FGF13: variants seen among roughly 807,000 people sequenced by gnomAD.
FGF13 encodes fibroblast growth factor homologous factor 2.
Under a neutral mutation model 19.5 loss-of-function variants are expected in FGF13, and 2 were observed. The ratio of observed to expected loss-of-function variants is 0.10; its 90% CI spans 0.04 to 0.32. FGF13 has a LOEUF of 0.32. Among genes scored for constraint, FGF13 ranks in the 10% least tolerant of loss-of-function variants. FGF13 has a pLI of 1.00. For synonymous variants in FGF13, 72 were observed against 76.9 expected, an observed-to-expected ratio of 0.94 and a Z score of 0.33; for missense variants, 113 against 192.7, an observed-to-expected ratio of 0.59 and a Z score of 2.45.
intron 1 of FGF13, among the ~76,000 whole-genome samples, chrX:139,079,980 T>C (rs922148293): frequency 2.1e-5 from 2 of 95,783 alleles, no homozygotes; most frequent in Admixed American, 1.2e-4. Flanking sequence ...AACATCACCG[T>C]CATCATCACC....
intron 3 of FGF13, among the ~76,000 whole-genome samples, chrX:138,780,619 C>G (rs1259292014): frequency 1.0e-5 from 1 of 96,099 alleles, no homozygotes; most frequent in African/African-American, 3.9e-5. Context: ...AGCTAACTAT[C>G]CTAAATATAT....
chrX:138,865,449 TC>T (rs1329142527), intron 1 of FGF13, among the ~76,000 whole-genome samples: 31 of 91,391 alleles, frequency 3.4e-4, no homozygotes, highest in Non-Finnish European at 5.9e-4. Flanking sequence ...TCTCTCTCTC[TC>T]CTCTCTCTCT....
intron 1 of FGF13, among the ~76,000 whole-genome samples, chrX:138,936,739 C>A: frequency 9.0e-6 from 1 of 111,276 alleles, no homozygotes; most frequent in East Asian, 2.8e-4. Flanking sequence ...GGAAGCACAC[C>A]TTCTGTGGGA....
intron 3 of FGF13, among the ~76,000 whole-genome samples, chrX:138,655,655 A>G (rs1157498910): frequency 9.0e-6 from 1 of 111,329 alleles, no homozygotes; most frequent in East Asian, 2.8e-4. Flanking sequence ...TGCCTTTTCG[A>G]AGCTGCTACT....
At chrX:138,991,561 A>T (rs2092015710) in intron 1 of FGF13, among the ~76,000 whole-genome samples, 1 of 111,889 alleles carries the variant, frequency 8.9e-6, no homozygotes, top group South Asian at 3.7e-4. Flanking sequence ...CTATAGCTCT[A>T]TTTTCTTGTA....
intron 1 of FGF13, among the ~76,000 whole-genome samples, chrX:139,015,166 G>C (rs868091657): frequency 1.4e-4 from 15 of 110,771 alleles, no homozygotes; most frequent in South Asian, 3.8e-4. Context: ...ACATGATAAG[G>C]GTGTCCACTT....
intron 1 of FGF13, among the ~76,000 whole-genome samples, chrX:139,017,106 A>T (rs2092157036): frequency 9.2e-6 from 1 of 108,268 alleles, no homozygotes; most frequent in South Asian, 4.1e-4. Context: ...ACACACACAC[A>T]TATATGTAAT....
At chrX:138,981,329 ACAC>A (rs1202077059) in intron 1 of FGF13, among the ~76,000 whole-genome samples, 1 of 15,363 alleles carries the variant, frequency 6.5e-5, no homozygotes, top group Non-Finnish European at 3.9e-4. Context: ...ACACACACAC[ACAC>A]ACACACACAC....
chrX:139,112,066 T>C (rs1010721554), intron 1 of FGF13, among the ~76,000 whole-genome samples: 2 of 111,900 alleles, frequency 1.8e-5, no homozygotes, highest in African/African-American at 6.5e-5. Context: ...CCATATTTAT[T>C]TGATACCAAA....
At chrX:138,751,891 A>G (rs1179371569) in intron 3 of FGF13, among the ~76,000 whole-genome samples, 1 of 111,926 alleles carries the variant, frequency 8.9e-6, no homozygotes, top group Non-Finnish European at 1.9e-5. Flanking sequence ...TATTTAATTT[A>G]TGCCTCACAA....
chrX:139,028,582 C>CGTGT (rs1203709668), intron 1 of FGF13, among the ~76,000 whole-genome samples: 3,857 of 61,424 alleles, frequency 0.063, 189 homozygotes, highest in African/African-American at 0.16. Flanking sequence ...GGAGAGAGAG[C>CGTGT]GTGTGTGTGT....
intron 1 of FGF13, among the ~76,000 whole-genome samples, chrX:139,046,208 G>T (rs2092286736): frequency 9.0e-6 from 1 of 111,142 alleles, no homozygotes; most frequent in Admixed American, 9.6e-5. Flanking sequence ...CATGCGGCAA[G>T]AGCAGGAGCA....
chrX:138,717,304 T>C (rs1334382956), intron 1 of FGF13, among the ~76,000 whole-genome samples: 1 of 112,187 alleles, frequency 8.9e-6, no homozygotes, highest in Non-Finnish European at 1.9e-5. Context: ...TATGTGGGGA[T>C]TTAAGTTTTG....
chrX:139,166,633 C>A (rs2084088720), intron 1 of FGF13, among the ~76,000 whole-genome samples: 1 of 111,211 alleles, frequency 9.0e-6, no homozygotes, highest in Non-Finnish European at 1.9e-5. Flanking sequence ...ACATTTAATT[C>A]TCAATGCAAC....
At chrX:138,753,408 C>T (rs5974774) in intron 3 of FGF13, among the ~76,000 whole-genome samples, 1,402 of 112,154 alleles carry the variant, frequency 0.013, 20 homozygotes, top group African/African-American at 0.041. Context: ...AGTGGTTTCC[C>T]ATTTTCATGG....
intron 3 of FGF13, among the ~76,000 whole-genome samples, chrX:138,801,242 T>C (rs1422930855): frequency 8.9e-6 from 1 of 112,506 alleles, no homozygotes; most frequent in African/African-American, 3.2e-5. Flanking sequence ...TCTTTGATGT[T>C]GATGACCTTC....
In FGF13 at chrX:138,913,695, AGG is replaced by A. The variant is rs2124230729; in HGVS notation, c.-112-49047_-112-49046del. 2.8e-5 allele frequency among the ~76,000 whole-genome samples: 3 copies of A among 105,417 alleles called. No individual in the cohort carries two copies. The South Asian group carries it at 1.3e-3, about 47-fold the overall frequency. 91.5% of individuals were successfully genotyped at this position (105,417 alleles called of 115,157 possible). On this transcript the variant is annotated intron_variant, in intron 1 of 2. Transcript: ENST00000421460. ...AAGGAAGGAAGGAAGGAAGGAAGGA[AGG>A]AAGGAAGGAAAGAAAACTATCAGGG...
At chrX:138,699,478 C>T (rs2089926475) in intron 3 of FGF13, among the ~76,000 whole-genome samples, 1 of 110,982 alleles carries the variant, frequency 9.0e-6, no homozygotes, top group South Asian at 3.9e-4. Context: ...CCTTCCCTTC[C>T]CTTAGAAATT....
intron 1 of FGF13, among the ~76,000 whole-genome samples, chrX:139,120,643 C>G (rs1365103462): frequency 8.9e-6 from 1 of 112,176 alleles, no homozygotes; most frequent in Non-Finnish European, 1.9e-5. Context: ...TAGGTTTGAG[C>G]CCAAGGAAAA....
Sources: gnomAD v4.1 joint callset for allele counts (sites outside exome capture counted in the v4.1 genomes callset) on GRCh38, gnomAD v4.1.1 for gene constraint, MANE v1.5 for transcripts, NCBI Gene and HGNC (gene_info 2026-07-23, HGNC 2026-07-21) for gene names.